The following NDST4 variants were observed in gnomAD, a reference collection of about 807,000 sequenced individuals.
NDST4 encodes the protein N-heparan sulfate sulfotransferase 4.
A neutral mutation model predicts 100.8 loss-of-function variants in NDST4; 63 were observed. The observed-to-expected ratio is 0.62, with a 90% CI of 0.51 to 0.77. The LOEUF (loss-of-function observed/expected upper bound fraction) is 0.77, where lower values mean the gene tolerates loss of function less well. NDST4 is among the 30% of genes least tolerant of loss of function. The pLI is 0.00. For synonymous variants in NDST4, 377 were observed against 361.8 expected, an observed-to-expected ratio of 1.04 and a Z score of -0.48; for missense variants, 943 against 1,018.4, an observed-to-expected ratio of 0.93 and a Z score of 1.01.
intron 4 of NDST4, among the ~76,000 whole-genome samples, chr4:114,940,130 AAAC>A (rs915072151): frequency 6.6e-6 from 1 of 152,216 alleles, no homozygotes; most frequent in Non-Finnish European, 1.5e-5. Context: ...AAATGACAGA[AAAC>A]AAATAAATTC....
chr4:115,016,019 C>T (rs915381320), intron 2 of NDST4, among the ~76,000 whole-genome samples: 2 of 151,994 alleles, frequency 1.3e-5, no homozygotes, highest in South Asian at 2.1e-4. Context: ...GCCTTCCCTC[C>T]GTGCAATGCT....
chr4:114,846,554 G>C (rs1443845384), intron 9 of NDST4, among the ~76,000 whole-genome samples: 1 of 152,146 alleles, frequency 6.6e-6, no homozygotes, highest in Non-Finnish European at 1.5e-5. Context: ...TCTATCTAGA[G>C]TAATTAAGGG....
chr4:114,970,731 T>C, intron 3 of NDST4, 147 bp from the exon 4 acceptor site: 1 of 713,422 alleles, frequency 1.4e-6, no homozygotes, highest in Non-Finnish European at 2.2e-6. Context: ...AAGACCACAG[T>C]CTAAAATGAA....
At chr4:114,961,568 T>C (rs1726264433) in intron 4 of NDST4, among the ~76,000 whole-genome samples, 1 of 151,952 alleles carries the variant, frequency 6.6e-6, no homozygotes, top group South Asian at 2.1e-4. Context: ...GAACATTCTA[T>C]GCCAAATATT....
At chr4:114,927,964 T>C (rs1725419034) in intron 6 of NDST4, among the ~76,000 whole-genome samples, 2 of 152,170 alleles carry the variant, frequency 1.3e-5, no homozygotes, top group Admixed American at 6.5e-5. Context: ...GATGATTTCA[T>C]GGATGTTGAA....
chr4:114,907,116 C>G (rs1359463052), intron 6 of NDST4, among the ~76,000 whole-genome samples: 1 of 152,062 alleles, frequency 6.6e-6, no homozygotes, highest in Non-Finnish European at 1.5e-5. Flanking sequence ...TTATTTACCC[C>G]TGACAATCAA....
chr4:115,006,677 T>C (rs935533480), intron 2 of NDST4, among the ~76,000 whole-genome samples: 1 of 152,080 alleles, frequency 6.6e-6, no homozygotes, highest in Non-Finnish European at 1.5e-5. Flanking sequence ...TGAGGAATAG[T>C]CAAGCTGAGA....
intron 9 of NDST4, among the ~76,000 whole-genome samples, chr4:114,847,869 T>G (rs10012243): frequency 0.047 from 7,154 of 152,268 alleles, 593 homozygotes; most frequent in African/African-American, 0.16. Flanking sequence ...CCTGAAACAT[T>G]GTTGCGAAGA....
chr4:114,970,167 G>A (rs77146266), intron 4 of NDST4, among the ~76,000 whole-genome samples: 1,841 of 148,020 alleles, frequency 0.012, 39 homozygotes, highest in African/African-American at 0.045. Context: ...TAGTCATCTC[G>A]TAAAATAGGA....
chr4:115,070,959 G>A (rs1195647785), intron 2 of NDST4, among the ~76,000 whole-genome samples: 2 of 151,780 alleles, frequency 1.3e-5, no homozygotes, highest in Non-Finnish European at 1.5e-5. Context: ...ACAAAAATTA[G>A]CCAGGCGTGG....
intron 6 of NDST4, among the ~76,000 whole-genome samples, chr4:114,922,175 A>C (rs1034297422): frequency 3.3e-5 from 5 of 152,032 alleles, no homozygotes; most frequent in East Asian, 1.9e-4. Flanking sequence ...ACATATCAAA[A>C]CCCTTGAAAC....
intron 2 of NDST4, among the ~76,000 whole-genome samples, chr4:114,995,099 A>G (rs1430136877): frequency 6.6e-6 from 1 of 152,066 alleles, no homozygotes; most frequent in Non-Finnish European, 1.5e-5. Flanking sequence ...AATCCCCAAG[A>G]AGCATTTAAG....
At chr4:114,986,832 A>ATATATATATTTTTTTT in intron 2 of NDST4, among the ~76,000 whole-genome samples, 122 of 94,642 alleles carry the variant, frequency 1.3e-3, no homozygotes, top group Non-Finnish European at 1.7e-3. Flanking sequence ...ATATATATAT[A>ATATATATATTTTTTTT]TTTTAATATA....
At chr4:115,067,947 A>G (rs901802995) in intron 2 of NDST4, among the ~76,000 whole-genome samples, 2 of 128,356 alleles carry the variant, frequency 1.6e-5, no homozygotes, top group African/African-American at 6.1e-5. Flanking sequence ...CCTGTGTCCA[A>G]GTGTTCTCAT....
chr4:114,998,386 G>A (rs1727211224), intron 2 of NDST4, among the ~76,000 whole-genome samples: 2 of 152,062 alleles, frequency 1.3e-5, no homozygotes, highest in Non-Finnish European at 2.9e-5. Flanking sequence ...TAGAATCCAA[G>A]TTGAAAATGA....
chr4:114,994,675 T>C (rs1477950474), intron 2 of NDST4, among the ~76,000 whole-genome samples: 1 of 152,040 alleles, frequency 6.6e-6, no homozygotes, highest in Non-Finnish European at 1.5e-5. Context: ...AACCATTGTA[T>C]ACAGCTGGGT....
At chr4:115,044,380 C>G (rs748879609) in intron 2 of NDST4, among the ~76,000 whole-genome samples, 1 of 151,746 alleles carries the variant, frequency 6.6e-6, no homozygotes, top group Non-Finnish European at 1.5e-5. Context: ...AAGGAAGAAA[C>G]AAGTGAGAAG....
intron 4 of NDST4, among the ~76,000 whole-genome samples, chr4:114,942,952 A>G (rs1725780979): frequency 6.7e-6 from 1 of 149,624 alleles, no homozygotes; most frequent in African/African-American, 2.4e-5. Flanking sequence ...ATTTGTTTAT[A>G]TCAGTTTGTT....
intron 10 of NDST4, among the ~76,000 whole-genome samples, chr4:114,843,653 T>C (rs1723480211): frequency 6.6e-6 from 1 of 152,210 alleles, no homozygotes; most frequent in Non-Finnish European, 1.5e-5. Context: ...TTTGATTTTT[T>C]AGCAGCTTTT....
Sources: gnomAD v4.1 joint callset for allele counts (sites outside exome capture counted in the v4.1 genomes callset) on GRCh38, gnomAD v4.1.1 for gene constraint, MANE v1.5 for transcripts, NCBI Gene and HGNC (gene_info 2026-07-23, HGNC 2026-07-21) for gene names.